Variants in VPS8 observed in about 807,000 individuals in gnomAD.
VPS8 encodes VPS8 subunit of CORVET complex.
VPS8 carries 129 observed loss-of-function variants against 216.4 expected under a neutral mutation model. That is an observed-to-expected ratio of 0.60 (90% CI 0.52 to 0.69). The LOEUF is 0.69. Ranked by LOEUF, VPS8 falls within the 30% of genes least tolerant of loss-of-function variation. VPS8 has a pLI of 0.00. For missense variants in VPS8, 1,531 were observed against 1,683.5 expected, an observed-to-expected ratio of 0.91 and a Z score of 1.59; for synonymous variants, 571 against 565.4, an observed-to-expected ratio of 1.01 and a Z score of -0.14.
intron 45 of VPS8, among the ~76,000 whole-genome samples, chr3:185,011,225 G>GA (rs1009353059): frequency 6.6e-6 from 1 of 152,066 alleles, no homozygotes; most frequent in African/African-American, 2.4e-5. Flanking sequence ...GGCAAAATAT[G>GA]AAAAAACATT....
At chr3:184,858,134 G>A (rs1324327647) in intron 14 of VPS8, among the ~76,000 whole-genome samples, 1 of 152,186 alleles carries the variant, frequency 6.6e-6, no homozygotes, top group East Asian at 1.9e-4. Context: ...AGGTGGTCGG[G>A]TGTATCTTGT....
At chr3:184,897,845 T>G (rs1733789637) in intron 23 of VPS8, among the ~76,000 whole-genome samples, 1 of 152,234 alleles carries the variant, frequency 6.6e-6, no homozygotes, top group South Asian at 2.1e-4. Context: ...CTAGTCCTCT[T>G]CCTAAATATT....
intron 43 of VPS8, among the ~76,000 whole-genome samples, chr3:184,994,310 C>T (rs1036386688): frequency 1.3e-5 from 2 of 151,738 alleles, no homozygotes; most frequent in Non-Finnish European, 2.9e-5. Flanking sequence ...GAGACCAGTC[C>T]AGGCAACATA....
chr3:184,993,422 A>C (rs763446076), intron 42 of VPS8, among the ~76,000 whole-genome samples: 10 of 152,120 alleles, frequency 6.6e-5, no homozygotes, highest in Non-Finnish European at 1.3e-4. Flanking sequence ...GTTACTTGGC[A>C]TACCTCATAT....
intron 20 of VPS8, 127 bp from the exon 21 acceptor site, chr3:184,870,585 TAAAG>T (rs1728149472): frequency 1.4e-6 from 1 of 708,596 alleles, no homozygotes. Flanking sequence ...AGTTGGTAAA[TAAAG>T]CCACTAAAAT....
At chr3:185,028,581 G>A (rs1172048963) in intron 46 of VPS8, among the ~76,000 whole-genome samples, 1 of 152,084 alleles carries the variant, frequency 6.6e-6, no homozygotes, top group African/African-American at 2.4e-5. Context: ...CACTTGTCCA[G>A]GTAAGAAAAA....
chr3:184,867,679 C>G (rs1472454787), intron 17 of VPS8, among the ~76,000 whole-genome samples: 1 of 152,110 alleles, frequency 6.6e-6, no homozygotes, highest in African/African-American at 2.4e-5. Flanking sequence ...AACCTTGTCT[C>G]TAGTAAAAAT....
intron 37 of VPS8, among the ~76,000 whole-genome samples, chr3:184,961,260 C>A (rs1353884066): frequency 6.6e-6 from 1 of 152,058 alleles, no homozygotes; most frequent in African/African-American, 2.4e-5. Context: ...TAGTATGTTT[C>A]CCATTTAACA....
chr3:184,908,632 G>T (rs917956434), intron 25 of VPS8, among the ~76,000 whole-genome samples: 1 of 152,216 alleles, frequency 6.6e-6, no homozygotes, highest in Non-Finnish European at 1.5e-5. Flanking sequence ...CTTTGCCAGC[G>T]AAGGCAAAAG....
chr3:184,875,661 C>T (rs1387756032), intron 21 of VPS8, among the ~76,000 whole-genome samples: 1 of 151,938 alleles, frequency 6.6e-6, no homozygotes, highest in Non-Finnish European at 1.5e-5. Flanking sequence ...CTTTCTTGTT[C>T]ACCCATTCTT....
chr3:184,826,822 T>C (rs994824232), intron 3 of VPS8, among the ~76,000 whole-genome samples: 2 of 152,248 alleles, frequency 1.3e-5, no homozygotes, highest in African/African-American at 4.8e-5. Flanking sequence ...ATAGTTTATC[T>C]TATGAATACC....
Position 184,863,015 on chromosome 3 carries a change from A to G in VPS8, c.1343A>G (p.Asn448Ser). ...ATCTCAGAAGTTCAGCTGGTCTACA[A>G]TAGCAGCCATTTCAAATCACTAGCC... ...VEISEVQLVYNSSHFKSLATG... is the reference protein window; with the variant it reads ...VEISEVQLVYSSSHFKSLATG... The change falls in exon 16 of 48, where the codon AAT becomes AGT. Residue 448 changes from asparagine (N) to serine (S), a missense_variant. Around this residue, in one of 3 missense-constraint regions of VPS8, gnomAD observed 1,318 missense variants for 1,468.4 expected, o/e 0.90. Transcript: ENST00000625842. 6.2e-7 allele frequency: 1 copy of G among 1,614,004 alleles called. No individual in the cohort carries two copies. Among genetic ancestry groups the G allele is most frequent in the Non-Finnish European group, 8.5e-7 (1 of 1,179,844 alleles).
At chr3:184,951,003 T>C (rs1341801427) in intron 36 of VPS8, among the ~76,000 whole-genome samples, 3 of 152,182 alleles carry the variant, frequency 2.0e-5, no homozygotes, top group Non-Finnish European at 4.4e-5. Flanking sequence ...GACTTTGCTA[T>C]TGTAAATAGT....
rs377318864 is a variant in VPS8, at chr3:184,815,403, T to C, written c.-89+3178T>C. 1.2e-4 allele frequency among the ~76,000 whole-genome samples: 18 copies of C among 152,318 alleles called. No individual in the cohort carries two copies. The East Asian group carries it at 1.7e-3, about 15-fold the overall frequency. On this transcript the variant is annotated intron_variant, in intron 1 of 47. Coordinates refer to ENST00000625842, the MANE Select transcript of VPS8 (RefSeq NM_001009921.3). Reference sequence around the variant, plus strand: ...TACAACAGCTGTGACATCACTGGGCTACAGGCATTTTTCTGCTCCATTATG... The same window carrying C: ...TACAACAGCTGTGACATCACTGGGCCACAGGCATTTTTCTGCTCCATTATG...
intron 13 of VPS8, 66 bp from the exon 14 acceptor site, chr3:184,855,645 A>G (rs1725098512): frequency 5.4e-6 from 7 of 1,292,766 alleles, no homozygotes; most frequent in African/African-American, 1.5e-5. Flanking sequence ...GTTTTTAACC[A>G]TAGTTTTCTC....
intron 21 of VPS8, among the ~76,000 whole-genome samples, chr3:184,873,146 G>T (rs918470980): frequency 6.6e-6 from 1 of 152,062 alleles, no homozygotes; most frequent in Admixed American, 6.6e-5. Flanking sequence ...ACAACCTAAG[G>T]CAGTAGGTGT....
At chr3:185,043,118 G>A (rs1351047436) in intron 46 of VPS8, among the ~76,000 whole-genome samples, 1 of 152,056 alleles carries the variant, frequency 6.6e-6, no homozygotes, top group Non-Finnish European at 1.5e-5. Flanking sequence ...GGCAACCCAG[G>A]GTGTCCGCGA....
chr3:185,027,952 TTTAC>T (rs1176738457), intron 46 of VPS8, among the ~76,000 whole-genome samples: 2 of 152,314 alleles, frequency 1.3e-5, no homozygotes, highest in Admixed American at 6.5e-5. Context: ...TCAAATGCCT[TTTAC>T]TTTATCAATG....
chr3:184,841,677 G>A (rs1223520686), intron 7 of VPS8, among the ~76,000 whole-genome samples: 13 of 152,174 alleles, frequency 8.5e-5, no homozygotes. Context: ...CCTATCAGGT[G>A]TTCAGAATGG....
Sources: gnomAD v4.1 joint callset for allele counts (sites outside exome capture counted in the v4.1 genomes callset) on GRCh38, gnomAD v4.1.1 for gene constraint, gnomAD v4.1.1 regional missense constraint, MANE v1.5 for transcripts, NCBI Gene and HGNC (gene_info 2026-07-23, HGNC 2026-07-21) for gene names.